Variants in PTPRG observed in about 807,000 individuals in gnomAD.
The protein encoded by PTPRG is protein tyrosine phosphatase receptor type G, also known as receptor-type tyrosine-protein phosphatase gamma.
Under a neutral mutation model 165.3 loss-of-function variants are expected in PTPRG, and 102 were observed. That is an observed-to-expected ratio of 0.62 (90% CI 0.53 to 0.73). The LOEUF is 0.73. Among genes scored for constraint, PTPRG ranks in the 30% least tolerant of loss-of-function variants. PTPRG has a pLI of 0.00. For synonymous variants in PTPRG, 675 were observed against 669.5 expected (o/e 1.01, Z -0.13); for missense variants, 1,866 against 1,861.4 (o/e 1.00, Z -0.05).
At chr3:62,084,539 C>T (rs960317403) in intron 5 of PTPRG, among the ~76,000 whole-genome samples, 3 of 152,132 alleles carry the variant, frequency 2.0e-5, no homozygotes, top group Admixed American at 6.5e-5. Flanking sequence ...TATATCATGT[C>T]GGTGTTACAG....
intron 1 of PTPRG, among the ~76,000 whole-genome samples, chr3:61,644,125 C>A (rs1201803618): frequency 6.6e-6 from 1 of 152,142 alleles, no homozygotes; most frequent in Non-Finnish European, 1.5e-5. Flanking sequence ...ATTATGTGCC[C>A]TGGAGTTCTT....
intron 1 of PTPRG, among the ~76,000 whole-genome samples, chr3:61,699,892 T>A (rs2030855009): frequency 6.6e-6 from 1 of 152,198 alleles, no homozygotes; most frequent in Non-Finnish European, 1.5e-5. Flanking sequence ...ATAATAAGGT[T>A]AAATACAAAA....
intron 2 of PTPRG, among the ~76,000 whole-genome samples, chr3:61,890,626 C>T (rs901572908): frequency 2.6e-5 from 4 of 152,048 alleles, no homozygotes; most frequent in African/African-American, 9.7e-5. Flanking sequence ...TCTAAACATG[C>T]AGTGACTTGA....
chr3:62,048,998 T>C (rs928974180), intron 4 of PTPRG, among the ~76,000 whole-genome samples: 10 of 152,120 alleles, frequency 6.6e-5, no homozygotes, highest in African/African-American at 2.4e-4. Context: ...TGTAACTGAA[T>C]ATTTTGCGAA....
intron 1 of PTPRG, among the ~76,000 whole-genome samples, chr3:61,578,905 G>T (rs1197179668): frequency 6.6e-6 from 1 of 152,320 alleles, no homozygotes. Context: ...TTTGGTGCAG[G>T]TGATAAGAAT....
chr3:61,761,781 G>T (rs980269333), intron 2 of PTPRG, among the ~76,000 whole-genome samples: 26 of 152,096 alleles, frequency 1.7e-4, no homozygotes, highest in African/African-American at 4.6e-4. Flanking sequence ...TTTTCTGGGG[G>T]AGGAAAACAA....
intron 1 of PTPRG, among the ~76,000 whole-genome samples, chr3:61,660,046 G>A (rs944765414): frequency 1.2e-4 from 19 of 152,174 alleles, no homozygotes; most frequent in African/African-American, 4.6e-4. Flanking sequence ...CCAACATGGT[G>A]AAACCCTGTC....
intron 14 of PTPRG, among the ~76,000 whole-genome samples, chr3:62,243,302 C>G (rs1014837768): frequency 2.6e-5 from 4 of 152,078 alleles, no homozygotes; most frequent in Non-Finnish European, 1.5e-5. Context: ...TCCTGAAGCC[C>G]TCTGACCCCT....
intron 2 of PTPRG, among the ~76,000 whole-genome samples, chr3:61,981,808 T>C (rs1194425571): frequency 4.6e-5 from 7 of 152,334 alleles, no homozygotes; most frequent in South Asian, 2.1e-4. Context: ...TGAATTCTTA[T>C]AAAACATCAC....
intron 2 of PTPRG, among the ~76,000 whole-genome samples, chr3:61,774,007 T>G (rs112582525): frequency 6.6e-6 from 1 of 152,154 alleles, no homozygotes; most frequent in African/African-American, 2.4e-5. Context: ...ACTCCTGACC[T>G]TGGGTGATCC....
intron 1 of PTPRG, among the ~76,000 whole-genome samples, chr3:61,589,959 G>A (rs1700526663): frequency 6.6e-6 from 1 of 152,104 alleles, no homozygotes; most frequent in Non-Finnish European, 1.5e-5. Flanking sequence ...GGGAATCTGT[G>A]GTGAGAAGTT....
At chr3:61,792,814 C>T (rs539122585) in intron 2 of PTPRG, among the ~76,000 whole-genome samples, 39 of 151,722 alleles carry the variant, frequency 2.6e-4, no homozygotes, top group African/African-American at 8.5e-4. Flanking sequence ...CTGCAACCTC[C>T]GCCTCCTGGG....
At chr3:62,189,081 C>T (rs921510566) in intron 8 of PTPRG, among the ~76,000 whole-genome samples, 1 of 152,136 alleles carries the variant, frequency 6.6e-6, no homozygotes, top group Admixed American at 6.5e-5. Flanking sequence ...AGCCTCCCTT[C>T]AGATTCTTTG....
At chr3:62,270,613 G>T (rs1702028775) in intron 20 of PTPRG, among the ~76,000 whole-genome samples, 1 of 152,126 alleles carries the variant, frequency 6.6e-6, no homozygotes, top group Admixed American at 6.5e-5. Context: ...AAAAATGAGA[G>T]TTAACAGAAG....
chr3:62,127,130 A>AATT (rs1229247613), intron 5 of PTPRG, among the ~76,000 whole-genome samples: 7 of 152,236 alleles, frequency 4.6e-5, no homozygotes, highest in African/African-American at 1.7e-4. Flanking sequence ...ACATTTCCTA[A>AATT]ATTATTGCCA....
At chr3:62,051,554 A>T (rs6785647) in intron 4 of PTPRG, among the ~76,000 whole-genome samples, 3,738 of 152,304 alleles carry the variant, frequency 0.025, 129 homozygotes, top group African/African-American at 0.086. Context: ...TTAAATTCAG[A>T]TTCCAGGGCC....
intron 1 of PTPRG, among the ~76,000 whole-genome samples, chr3:61,570,945 G>A (rs899128625): frequency 2.0e-5 from 3 of 152,220 alleles, no homozygotes; most frequent in African/African-American, 7.2e-5. Context: ...GGGTGGCGCT[G>A]GGGCTCTGGG....
At chr3:61,848,118 C>T (rs1345148890) in intron 2 of PTPRG, among the ~76,000 whole-genome samples, 1 of 152,192 alleles carries the variant, frequency 6.6e-6, no homozygotes, top group Non-Finnish European at 1.5e-5. Context: ...AGGACGTAGG[C>T]AATTCTCATG....
intron 1 of PTPRG, among the ~76,000 whole-genome samples, chr3:61,740,704 C>T (rs1034463281): frequency 6.6e-6 from 1 of 151,980 alleles, no homozygotes; most frequent in African/African-American, 2.4e-5. Context: ...TGTGATTCCT[C>T]TTTCCCTTGA....
Sources: gnomAD v4.1 joint callset for allele counts (sites outside exome capture counted in the v4.1 genomes callset) on GRCh38, gnomAD v4.1.1 for gene constraint, MANE v1.5 for transcripts, NCBI Gene and HGNC (gene_info 2026-07-23, HGNC 2026-07-21) for gene names.